Variants in CLVS1 observed in about 807,000 individuals in gnomAD.
CLVS1 encodes clavesin-1.
A neutral mutation model predicts 33.1 loss-of-function variants in CLVS1; 10 were observed. The ratio of observed to expected loss-of-function variants is 0.30; its 90% CI spans 0.19 to 0.51. CLVS1 has a LOEUF of 0.51. Among genes scored for constraint, CLVS1 ranks in the 20% least tolerant of loss-of-function variants. The pLI, the probability that CLVS1 is intolerant of heterozygous loss-of-function variation, is 0.97. For synonymous variants in CLVS1, 163 were observed against 166.1 expected, an observed-to-expected ratio of 0.98 and a Z score of 0.14; for missense variants, 343 against 433.4, an observed-to-expected ratio of 0.79 and a Z score of 1.85.
At chr8:61,072,068 C>T (rs1804806302) in intron 1 of CLVS1, among the ~76,000 whole-genome samples, 1 of 152,158 alleles carries the variant, frequency 6.6e-6, no homozygotes, top group South Asian at 2.1e-4. Flanking sequence ...TGAATGGCCA[C>T]CTCTTTCTAG....
intron 1 of CLVS1, among the ~76,000 whole-genome samples, chr8:61,297,553 G>A (rs999317672): frequency 6.6e-6 from 1 of 152,160 alleles, no homozygotes; most frequent in Non-Finnish European, 1.5e-5. Context: ...GCAAATTCAG[G>A]ATAAGGAACT....
intron 5 of CLVS1, among the ~76,000 whole-genome samples, chr8:61,474,164 A>G (rs547578718): frequency 6.6e-6 from 1 of 152,186 alleles, no homozygotes; most frequent in African/African-American, 2.4e-5. Context: ...ATTCTCCAAC[A>G]TGGAGAATGG....
chr8:61,021,340 G>T, the CLVS1 span, among the ~76,000 whole-genome samples: 1 of 151,582 alleles, frequency 6.6e-6, no homozygotes, highest in African/African-American at 2.4e-5. Context: ...TTCCACGGTT[G>T]TGTTTTGTTT....
intron 2 of CLVS1, among the ~76,000 whole-genome samples, chr8:61,200,735 G>A (rs1175078352): frequency 6.6e-6 from 1 of 152,160 alleles, no homozygotes; most frequent in East Asian, 1.9e-4. Context: ...CCACAATTAT[G>A]CCAGGACTAG....
intron 2 of CLVS1, 79 bp from the exon 3 acceptor site, chr8:61,376,526 G>C: frequency 7.3e-7 from 1 of 1,370,740 alleles, no homozygotes; most frequent in Admixed American, 1.9e-5. Flanking sequence ...AGTGGCATGC[G>C]GAGGCCAGCA....
At chr8:61,329,783 A>C (rs1811524347) in intron 2 of CLVS1, among the ~76,000 whole-genome samples, 1 of 152,316 alleles carries the variant, frequency 6.6e-6, no homozygotes, top group East Asian at 1.9e-4. Context: ...TGTTCCTTTA[A>C]GTAAAAACCT....
chr8:61,116,092 T>C (rs570462158), intron 1 of CLVS1, among the ~76,000 whole-genome samples: 24 of 151,888 alleles, frequency 1.6e-4, no homozygotes, highest in South Asian at 1.0e-3. Flanking sequence ...TGGTATCTCA[T>C]TGTGGTTTTG....
intron 2 of CLVS1, among the ~76,000 whole-genome samples, chr8:61,205,729 T>A (rs1217749298): frequency 6.6e-6 from 1 of 152,202 alleles, no homozygotes; most frequent in Non-Finnish European, 1.5e-5. Flanking sequence ...CCACCAGCAA[T>A]GCACAAAGGT....
chr8:61,280,410 G>T (rs1333891063), intron 2 of CLVS1, among the ~76,000 whole-genome samples: 5 of 152,128 alleles, frequency 3.3e-5, no homozygotes, highest in African/African-American at 7.2e-5. Flanking sequence ...GCTCCAAAAG[G>T]CCTGATAGCT....
At chr8:61,446,376 G>T (rs1451186127) in intron 3 of CLVS1, among the ~76,000 whole-genome samples, 1 of 152,108 alleles carries the variant, frequency 6.6e-6, no homozygotes, top group Non-Finnish European at 1.5e-5. Context: ...GTTTTCTGTT[G>T]TTATAACAAT....
At chr8:61,078,270 G>A (rs1454019272) in intron 1 of CLVS1, among the ~76,000 whole-genome samples, 1 of 152,240 alleles carries the variant, frequency 6.6e-6, no homozygotes, top group East Asian at 1.9e-4. Flanking sequence ...GACACACACA[G>A]CGGAATTGCC....
the CLVS1 span, among the ~76,000 whole-genome samples, chr8:61,034,232 C>T: frequency 2.6e-5 from 4 of 152,054 alleles, no homozygotes; most frequent in Non-Finnish European, 5.9e-5. Context: ...TATTTCATTT[C>T]ATTTATTTAT....
intron 1 of CLVS1, among the ~76,000 whole-genome samples, chr8:61,097,241 G>A (rs1357556835): frequency 3.3e-5 from 5 of 151,412 alleles, no homozygotes; most frequent in Admixed American, 6.6e-5. Flanking sequence ...GCAGTGAGCC[G>A]AGATCGCACC....
At chr8:61,007,167 C>G in the CLVS1 span, among the ~76,000 whole-genome samples, 1 of 152,188 alleles carries the variant, frequency 6.6e-6, no homozygotes, top group Non-Finnish European at 1.5e-5. Flanking sequence ...GCTGTAAAAG[C>G]AAGCATTTTC....
the CLVS1 span, among the ~76,000 whole-genome samples, chr8:60,997,170 G>C: frequency 6.6e-6 from 1 of 152,168 alleles, no homozygotes; most frequent in African/African-American, 2.4e-5. Context: ...AGGCTCAGGT[G>C]TGTGTGGCGG....
chr8:61,344,199 A>G (rs1275909987), intron 2 of CLVS1, among the ~76,000 whole-genome samples: 2 of 152,196 alleles, frequency 1.3e-5, no homozygotes, highest in African/African-American at 4.8e-5. Flanking sequence ...AAAGAAAAAA[A>G]AGAAAGTTTG....
intron 2 of CLVS1, among the ~76,000 whole-genome samples, chr8:61,232,052 T>G (rs1808457357): frequency 7.1e-6 from 1 of 141,446 alleles, no homozygotes; most frequent in East Asian, 2.0e-4. Context: ...TTTTTTTTTG[T>G]GAGATGGAGT....
At chr8:61,134,183 TAGAC>T (rs1336501625) in intron 2 of CLVS1, among the ~76,000 whole-genome samples, 2 of 151,884 alleles carry the variant, frequency 1.3e-5, no homozygotes, top group Admixed American at 1.3e-4. Context: ...GAGAAAGAAA[TAGAC>T]AGTTTAAAAA....
At chr8:61,476,917 T>A (rs1049619469) in intron 5 of CLVS1, among the ~76,000 whole-genome samples, 1 of 152,224 alleles carries the variant, frequency 6.6e-6, no homozygotes, top group Non-Finnish European at 1.5e-5. Context: ...CCATTGAGTA[T>A]GATATTGGCT....
Sources: gnomAD v4.1 joint callset for allele counts (sites outside exome capture counted in the v4.1 genomes callset) on GRCh38, gnomAD v4.1.1 for gene constraint, MANE v1.5 for transcripts, NCBI Gene and HGNC (gene_info 2026-07-23, HGNC 2026-07-21) for gene names.